ARHGEF10L: variants seen among roughly 807,000 people sequenced by gnomAD.
ARHGEF10L encodes rho guanine nucleotide exchange factor 10-like protein.
A neutral mutation model predicts 141.2 loss-of-function variants in ARHGEF10L; 69 were observed. The observed-to-expected ratio is 0.49, with a 90% CI of 0.40 to 0.60. The LOEUF (loss-of-function observed/expected upper bound fraction) is 0.60. ARHGEF10L is among the 20% of genes least tolerant of loss of function. The probability of loss-of-function intolerance (pLI) is 0.00; values close to 1 mark genes in which losing one functional copy is unlikely to be tolerated. For synonymous variants in ARHGEF10L, 711 were observed against 718.5 expected (o/e 0.99, Z 0.17); for missense variants, 1,482 against 1,734.3 (o/e 0.85, Z 2.58).
At chr1:17,564,143 T>C (rs1282529528) in intron 1 of ARHGEF10L, among the ~76,000 whole-genome samples, 4 of 152,196 alleles carry the variant, frequency 2.6e-5, no homozygotes. Context: ...GTGCTTGCTC[T>C]GGCCTGCACA....
intron 22 of ARHGEF10L, among the ~76,000 whole-genome samples, chr1:17,650,827 G>A (rs1000224428): frequency 6.6e-6 from 1 of 152,102 alleles, no homozygotes; most frequent in Non-Finnish European, 1.5e-5. Flanking sequence ...GATGTGGGCG[G>A]AGGCCAGGGC....
chr1:17,575,336 A>G (rs1260379101), intron 1 of ARHGEF10L, among the ~76,000 whole-genome samples: 2 of 152,250 alleles, frequency 1.3e-5, no homozygotes, highest in African/African-American at 4.8e-5. Flanking sequence ...AATATTTTTA[A>G]AAAGCTTCAC....
chr1:17,513,650 A>G, the ARHGEF10L span, among the ~76,000 whole-genome samples: 3 of 152,260 alleles, frequency 2.0e-5, no homozygotes, highest in South Asian at 6.2e-4. Context: ...ACAATCAAAA[A>G]TGTTTGCAGG....
chr1:17,645,057 A>G (rs1253596282), intron 21 of ARHGEF10L, among the ~76,000 whole-genome samples: 1 of 152,122 alleles, frequency 6.6e-6, no homozygotes, highest in Non-Finnish European at 1.5e-5. Context: ...GGGGATCTGC[A>G]ACCCTGGAGC....
the ARHGEF10L span, among the ~76,000 whole-genome samples, chr1:17,530,940 G>A: frequency 6.6e-6 from 1 of 151,964 alleles, no homozygotes; most frequent in Admixed American, 6.6e-5. Flanking sequence ...GGGAGGCAGA[G>A]GTTGCAATGA....
At chr1:17,590,927 T>C (rs1044617027) in intron 4 of ARHGEF10L, among the ~76,000 whole-genome samples, 2 of 152,118 alleles carry the variant, frequency 1.3e-5, no homozygotes, top group Admixed American at 6.5e-5. Flanking sequence ...GTGGAGGTTG[T>C]AGTGAGGCGA....
rs1223552002 is a variant in ARHGEF10L, at chr1:17,644,691, TA to T, written c.2273-3862del. Among the ~76,000 whole-genome samples, 4 of 151,994 alleles carry T rather than the reference TA, an allele frequency of 2.6e-5. No homozygotes were observed. The highest frequency in any genetic ancestry group is 7.2e-5 in the African/African-American group (3 of 41,392). On this transcript the variant is annotated intron_variant, in intron 21 of 28. Transcript: ENST00000361221. The surrounding 1 kb of genome is among the most constrained non-coding windows in gnomAD (Gnocchi z 4.5). ...TTCGGGAAGAGCAGTAAAGGCACGATACTGGGACTGAGCCCAGTAGGAGTCT... is the reference window on the plus strand; with the variant it reads ...TTCGGGAAGAGCAGTAAAGGCACGATCTGGGACTGAGCCCAGTAGGAGTCT...
At chr1:17,608,032 G>A in intron 7 of ARHGEF10L, 55 bp downstream of exon 7, 1 of 1,243,926 alleles carries the variant, frequency 8.0e-7, no homozygotes, top group Non-Finnish European at 1.1e-6. Context: ...ACCCCTTCAG[G>A]GAGGGAGGGA....
chr1:17,546,826 AG>A (rs370582193), intron 1 of ARHGEF10L, among the ~76,000 whole-genome samples: 43 of 152,338 alleles, frequency 2.8e-4, no homozygotes, highest in African/African-American at 9.9e-4. Context: ...GTGTCAGGAA[AG>A]AGCTAATACT....
At chr1:17,693,561 G>A (rs147246549) in intron 27 of ARHGEF10L, among the ~76,000 whole-genome samples, 25 of 152,316 alleles carry the variant, frequency 1.6e-4, no homozygotes, top group African/African-American at 4.8e-4. Context: ...GAGAGGTGAT[G>A]GAAGCACTGG....
In ARHGEF10L at chr1:17,627,574, C is replaced by T. The variant is rs1487306009; in HGVS notation, c.1584+71C>T. 2.6e-6 allele frequency: 4 copies of T among 1,527,126 alleles called. No individual in the cohort carries two copies. The highest frequency in any genetic ancestry group is 3.5e-6 in the Non-Finnish European group (4 of 1,130,192). The allele number at this position is 1,527,126 out of a possible 1,614,324, so 94.6% of individuals were successfully genotyped here. ...CCTGTGCTCCTGCCCGTGCCCCTGCCCCACGCCACCCACACTAGGTGGCAG... is the reference window on the plus strand; with the variant it reads ...CCTGTGCTCCTGCCCGTGCCCCTGCTCCACGCCACCCACACTAGGTGGCAG... On this transcript the variant is annotated intron_variant, in intron 15 of 28. Coordinates refer to ENST00000361221, the MANE Select transcript of ARHGEF10L (RefSeq NM_018125.4). The surrounding 1 kb of genome is among the most constrained non-coding windows in gnomAD (Gnocchi z 4.0).
chr1:17,672,109 A>G (rs1351490841), intron 26 of ARHGEF10L, among the ~76,000 whole-genome samples: 1 of 151,972 alleles, frequency 6.6e-6, no homozygotes, highest in East Asian at 1.9e-4. Flanking sequence ...ACCGGCTCTC[A>G]TGCTTTTTGT....
intron 26 of ARHGEF10L, among the ~76,000 whole-genome samples, chr1:17,667,283 G>A (rs2063046232): frequency 6.6e-6 from 1 of 152,244 alleles, no homozygotes; most frequent in Non-Finnish European, 1.5e-5. Flanking sequence ...GTCTGATGTG[G>A]AAGACACAGC....
chr1:17,644,944 G>A lies in ARHGEF10L; in HGVS notation c.2273-3610G>A, dbSNP rs1424023831. On this transcript the variant is annotated intron_variant, in intron 21 of 28. Transcript: ENST00000361221. The surrounding 1 kb of genome is among the most constrained non-coding windows in gnomAD (Gnocchi z 4.5). ...TTCTACATGAGGCCACAGGCTCAGA[G>A]AGGGTAAGCACTTGGCTCCGTGTCA... 6.6e-6 allele frequency among the ~76,000 whole-genome samples: 1 copy of A among 152,176 alleles called. No homozygotes were observed. The highest frequency in any genetic ancestry group is 1.5e-5 in the Non-Finnish European group (1 of 68,036).
chr1:17,553,146 C>A (rs2077178456), intron 1 of ARHGEF10L, among the ~76,000 whole-genome samples: 1 of 152,202 alleles, frequency 6.6e-6, no homozygotes, highest in Admixed American at 6.5e-5. Context: ...GCCTTCTGCT[C>A]CTTTCACTCC....
At chr1:17,641,249 G>A (rs1041336316) in intron 21 of ARHGEF10L, among the ~76,000 whole-genome samples, 3 of 152,180 alleles carry the variant, frequency 2.0e-5, no homozygotes, top group Non-Finnish European at 2.9e-5. Context: ...CCCATTTGCC[G>A]ATGCCAGCCA....
Position 17,697,047 on chromosome 1 carries a change from G to T in ARHGEF10L, c.3507G>T (p.Lys1169Asn). ...TGGGCCGAGAGCTGACCCGCAAGAA[G>T]GGCATCCTCTTGCAGTACCGCCTGC... ...SHVGRELTRK[K>N]GILLQYRLRS... The change falls in exon 29 of 29, where the codon AAG (lysine) becomes AAT (asparagine). Residue 1169 changes from lysine (K) to asparagine (N), a missense_variant. Around this residue, in one of 3 missense-constraint regions of ARHGEF10L, gnomAD observed 858 missense variants for 966.3 expected, o/e 0.89. Transcript: ENST00000361221. The surrounding 1 kb of genome is among the most constrained non-coding windows in gnomAD (Gnocchi z 4.8). 1 of 1,604,306 alleles carries T rather than the reference G, an allele frequency of 6.2e-7. No homozygotes were observed. The highest frequency in any genetic ancestry group is 8.5e-7 in the Non-Finnish European group (1 of 1,174,650).
At position 17,603,772 on chromosome 1, in the gene ARHGEF10L, C is replaced by T. The variant is rs1254565095; in HGVS notation, c.433+181C>T. Among the ~76,000 whole-genome samples the T allele has an allele frequency of 1.3e-5, 2 of 152,288 alleles. No homozygotes were observed. Among genetic ancestry groups the T allele is most frequent in the Non-Finnish European group, 1.5e-5 (1 of 68,016 alleles). On this transcript the variant is annotated intron_variant, in intron 6 of 28. Coordinates refer to ENST00000361221, the MANE Select transcript of ARHGEF10L (RefSeq NM_018125.4). The surrounding 1 kb of genome is among the most constrained non-coding windows in gnomAD (Gnocchi z 4.8). ...TGGAGATGGCTGAGGGCGTGGCCAC[C>T]GGGGCCGGGCAGGGCTTGGGCATCA... is the stretch of plus-strand genomic sequence containing the variant.
the ARHGEF10L span, among the ~76,000 whole-genome samples, chr1:17,517,404 T>C: frequency 6.6e-6 from 1 of 151,924 alleles, no homozygotes; most frequent in Non-Finnish European, 1.5e-5. Flanking sequence ...CAATCTCAGC[T>C]CACTGCAACT....
Sources: gnomAD v4.1 joint callset for allele counts (sites outside exome capture counted in the v4.1 genomes callset) on GRCh38, gnomAD v4.1.1 for gene constraint, gnomAD v4.1.1 regional missense constraint, Gnocchi (gnomAD v3.1) non-coding constraint, MANE v1.5 for transcripts, NCBI Gene and HGNC (gene_info 2026-07-23, HGNC 2026-07-21) for gene names.